The following ATOSA variants were observed in gnomAD, a reference collection of about 807,000 sequenced individuals.
ATOSA encodes the protein atos homolog A, also known as atos homolog protein A.
the ATOSA span, among the ~76,000 whole-genome samples, chr15:52,647,880 T>C: frequency 3.3e-5 from 5 of 152,228 alleles, no homozygotes; most frequent in Non-Finnish European, 7.3e-5. Flanking sequence ...CTTACCACTA[T>C]TGACTATTAT....
At chr15:52,582,409 T>C in the ATOSA span, 2 of 996,636 alleles carry the variant, frequency 2.0e-6, no homozygotes, top group Non-Finnish European at 2.8e-6. Context: ...CTTGCTACAA[T>C]ATTAGGTCAA....
At chr15:52,677,933 G>C in the ATOSA span, 1 of 1,574,688 alleles carries the variant, frequency 6.4e-7, no homozygotes, top group Non-Finnish European at 8.7e-7. Flanking sequence ...GCAGAATTAG[G>C]TTAACACTTC....
chr15:52,651,848 TA>T, the ATOSA span: 288 of 1,534,862 alleles, frequency 1.9e-4, 1 homozygote, highest in Middle Eastern at 1.7e-3. Context: ...ATAAAGCCGT[TA>T]AAAAACACTT....
the ATOSA span, among the ~76,000 whole-genome samples, chr15:52,622,755 G>A: frequency 7.2e-5 from 11 of 152,068 alleles, no homozygotes; most frequent in East Asian, 5.8e-4. Context: ...AGGTAGGAAC[G>A]AATGGGTCAA....
the ATOSA span, among the ~76,000 whole-genome samples, chr15:52,700,518 C>T: frequency 6.6e-6 from 1 of 152,154 alleles, no homozygotes; most frequent in African/African-American, 2.4e-5. Flanking sequence ...CTTTCAGGTT[C>T]TCAACAGGAT....
At chr15:52,687,477 G>A in the ATOSA span, among the ~76,000 whole-genome samples, 1 of 152,230 alleles carries the variant, frequency 6.6e-6, no homozygotes, top group Non-Finnish European at 1.5e-5. Flanking sequence ...AGGAAAACAC[G>A]TGGCACAAAG....
chr15:52,604,588 A>G, the ATOSA span, among the ~76,000 whole-genome samples: 4 of 152,186 alleles, frequency 2.6e-5, no homozygotes, highest in African/African-American at 9.7e-5. Context: ...TCCTCACAAC[A>G]CTAAGGTAGA....
At chr15:52,600,057 C>T in the ATOSA span, 3 of 643,834 alleles carry the variant, frequency 4.7e-6, no homozygotes, top group East Asian at 5.9e-5. Context: ...AAGTTAAAGA[C>T]ATATAAAATG....
At chr15:52,604,736 G>A in the ATOSA span, among the ~76,000 whole-genome samples, 44 of 152,294 alleles carry the variant, frequency 2.9e-4, no homozygotes, top group South Asian at 8.7e-3. Context: ...AGTAATTGAG[G>A]AGTGGAGAGA....
chr15:52,599,114 A>T, the ATOSA span, among the ~76,000 whole-genome samples: 1 of 152,250 alleles, frequency 6.6e-6, no homozygotes, highest in African/African-American at 2.4e-5. Context: ...CTTTCTTTAT[A>T]GCAATGCAAA....
chr15:52,621,446 TTTAA>T, the ATOSA span, among the ~76,000 whole-genome samples: 1 of 152,228 alleles, frequency 6.6e-6, no homozygotes, highest in African/African-American at 2.4e-5. Flanking sequence ...GTCATATATT[TTTAA>T]TTAATCAGAG....
chr15:52,589,542 T>TA, the ATOSA span, among the ~76,000 whole-genome samples: 5 of 91,038 alleles, frequency 5.5e-5, no homozygotes, highest in Non-Finnish European at 1.3e-4. Flanking sequence ...ATCAATTTAT[T>TA]TAAAAAAACA....
the ATOSA span, among the ~76,000 whole-genome samples, chr15:52,607,339 T>G: frequency 6.6e-6 from 1 of 152,198 alleles, no homozygotes; most frequent in Non-Finnish European, 1.5e-5. Flanking sequence ...CTAATACAAA[T>G]TTGATTTCTG....
chr15:52,697,881 A>T, the ATOSA span, among the ~76,000 whole-genome samples: 1 of 151,078 alleles, frequency 6.6e-6, no homozygotes, highest in African/African-American at 2.4e-5. Context: ...TAAAAATCAC[A>T]AGAAACCACT....
At chr15:52,707,372 C>T in the ATOSA span, among the ~76,000 whole-genome samples, 1,097 of 152,248 alleles carry the variant, frequency 7.2e-3, 16 homozygotes, top group African/African-American at 0.025. Flanking sequence ...TCACACGTCT[C>T]CAGAAATGAT....
At chr15:52,600,984 C>T in the ATOSA span, 1 of 740,946 alleles carries the variant, frequency 1.3e-6, no homozygotes, top group Non-Finnish European at 2.3e-6. Flanking sequence ...AATAAGATTC[C>T]TGTTACAATT....
the ATOSA span, among the ~76,000 whole-genome samples, chr15:52,676,143 A>G: frequency 6.6e-6 from 1 of 152,236 alleles, no homozygotes; most frequent in African/African-American, 2.4e-5. Context: ...CATTTTTTAA[A>G]TGTCTCCACA....
the ATOSA span, among the ~76,000 whole-genome samples, chr15:52,602,742 CT>C: frequency 2.6e-5 from 4 of 152,154 alleles, no homozygotes; most frequent in Non-Finnish European, 5.9e-5. Flanking sequence ...CATTTTCCCC[CT>C]CTCTCATTTA....
At chr15:52,599,976 T>G in the ATOSA span, 1 of 476,332 alleles carries the variant, frequency 2.1e-6, no homozygotes, top group Non-Finnish European at 3.7e-6. Flanking sequence ...TTTCCCTTCT[T>G]GTGAAAATAA....
Sources: allele counts gnomAD v4.1 joint callset (sites outside exome capture counted in the v4.1 genomes callset), GRCh38; gene constraint gnomAD v4.1.1; transcripts MANE v1.5; gene names NCBI Gene and HGNC (gene_info 2026-07-23, HGNC 2026-07-21).